The following TAOK3 variants were observed in gnomAD, a reference collection of about 807,000 sequenced individuals.
TAOK3 encodes the protein serine/threonine-protein kinase TAO3.
In TAOK3, 40 loss-of-function variants were observed where a neutral mutation model predicts 120.4. The ratio of observed to expected loss-of-function variants is 0.33; its 90% confidence interval spans 0.26 to 0.43. The LOEUF (loss-of-function observed/expected upper bound fraction) is 0.43. Ranked by LOEUF, TAOK3 falls within the 20% of genes least tolerant of loss-of-function variation. The pLI, the probability that TAOK3 is intolerant of heterozygous loss-of-function variation, is 1.00. For missense variants in TAOK3, 821 were observed against 1,112.1 expected (o/e 0.74, Z 3.72); for synonymous variants, 355 against 387.5 (o/e 0.92, Z 0.99).
At chr12:118,303,413 G>A (rs1008029760) in intron 1 of TAOK3, among the ~76,000 whole-genome samples, 5 of 152,186 alleles carry the variant, frequency 3.3e-5, no homozygotes, top group African/African-American at 9.7e-5. Flanking sequence ...TTGGCAGAAT[G>A]TACGTGTGCA....
Position 118,189,889 on chromosome 12 carries a change from G to C in TAOK3, c.1247C>G (p.Pro416Arg). The stretch of plus-strand genomic sequence containing the variant: ...GCTCTGAACTGACTGGGTAGGCCGC[G>C]GCTCAGGCCTGGGATCGCCGTGGCC... Reference protein sequence around the residue: ...EAGHGDPRPEPRPTQSVQSQA... With the variant: ...EAGHGDPRPERRPTQSVQSQA... Residue 416 changes from proline to arginine, a missense_variant, in exon 14 of 21, where the codon CCG (proline) becomes CGG (arginine). By Grantham distance (103) the Pro-to-Arg change is moderately radical. Coordinates refer to ENST00000392533, the MANE Select transcript of TAOK3 (RefSeq NM_016281.4). 1 of 1,614,206 alleles carries C rather than the reference G, an allele frequency of 6.2e-7. No individual in the cohort carries two copies. Among genetic ancestry groups the C allele is most frequent in the East Asian group, 2.2e-5 (1 of 44,884 alleles).
At chr12:118,369,876 G>C (rs990148833) in intron 1 of TAOK3, among the ~76,000 whole-genome samples, 2 of 151,938 alleles carry the variant, frequency 1.3e-5, no homozygotes, top group East Asian at 3.9e-4. Context: ...TCTAGTTAGC[G>C]GAATTTTTTT....
At chr12:118,364,624 G>C (rs1346015701) in intron 1 of TAOK3, among the ~76,000 whole-genome samples, 2 of 152,178 alleles carry the variant, frequency 1.3e-5, no homozygotes, top group Admixed American at 6.5e-5. Context: ...ATTAAAATAA[G>C]AGGCCAGGCA....
intron 1 of TAOK3, among the ~76,000 whole-genome samples, chr12:118,307,680 G>A (rs1417100199): frequency 6.6e-6 from 1 of 152,156 alleles, no homozygotes; most frequent in African/African-American, 2.4e-5. Context: ...TCTACCACTA[G>A]CTAGCCAGCT....
Position 118,154,908 on chromosome 12 carries a change from G to A in TAOK3, c.2353-2499C>T, listed in dbSNP as rs749164729. On this transcript the variant is annotated intron_variant, in intron 19 of 20. Coordinates refer to ENST00000392533, the MANE Select transcript of TAOK3 (RefSeq NM_016281.4). ...CCTAGCTCTACCACTAATTAGCTATGTGACCTTCCCCCTTATCCCCCCAAG... is the reference window on the plus strand; with the variant it reads ...CCTAGCTCTACCACTAATTAGCTATATGACCTTCCCCCTTATCCCCCCAAG... 4.7e-4 allele frequency among the ~76,000 whole-genome samples: 72 copies of A among 152,196 alleles called. 1 individual carries two copies. In the Middle Eastern group the frequency reaches 0.014, roughly 29 times the overall value.
At chr12:118,294,380 CTTTTCTTTTTT>C (rs770240920) in intron 1 of TAOK3, among the ~76,000 whole-genome samples, 4 of 151,526 alleles carry the variant, frequency 2.6e-5, no homozygotes, top group South Asian at 2.1e-4. Context: ...AATTTCTTTT[CTTTTCTTTTTT>C]TTTTCTTTTT....
At position 118,201,356 on chromosome 12, in the gene TAOK3, T is replaced by C; in HGVS notation, c.927A>G (p.Lys309=). 6.2e-7 allele frequency: 1 copy of C among 1,614,132 alleles called. No homozygotes were observed. Among genetic ancestry groups the C allele is most frequent in the Non-Finnish European group, 8.5e-7 (1 of 1,179,988 alleles). ...TCCGTGTCTCTTGGAAAAGTATTTT[T>C]TTCATTTTTCGGTACTGTAGGTTAT... is the stretch of plus-strand genomic sequence containing the variant. ...ELDNLQYRKM[K]KILFQETRNG... The change falls in exon 12 of 21, where the codon AAA becomes AAG. Residue 309 remains lysine, a synonymous_variant. Coordinates refer to ENST00000392533, the MANE Select transcript of TAOK3 (RefSeq NM_016281.4).
At chr12:118,342,935 TA>T (rs760467619) in intron 1 of TAOK3, among the ~76,000 whole-genome samples, 1,907 of 59,686 alleles carry the variant, frequency 0.032, 27 homozygotes, top group African/African-American at 0.093. Flanking sequence ...CTCTGTCTGC[TA>T]AAAAAAAAAA....
intron 19 of TAOK3, among the ~76,000 whole-genome samples, chr12:118,159,284 C>G (rs1275455543): frequency 6.6e-6 from 1 of 151,306 alleles, no homozygotes; most frequent in East Asian, 1.9e-4. Context: ...TCCCCTAACC[C>G]CCAGTACCTC....
Position 118,150,941 on chromosome 12 carries a change from AT to A in TAOK3, c.*55del. The A allele has an allele frequency of 1.3e-6, 2 of 1,518,954 alleles. No homozygotes were observed. The highest frequency in any genetic ancestry group is 1.8e-6 in the Non-Finnish European group (2 of 1,135,870). 94.1% of individuals were successfully genotyped at this position (1,518,954 alleles called of 1,614,324 possible). A position where few individuals can be genotyped will look rare whatever the true frequency, so the allele number is the denominator to read the frequency against. On this transcript the variant is annotated 3_prime_UTR_variant, in exon 21 of 21. Transcript: ENST00000392533. ...GGGAATGTGGTTTTGCAGGGTCTGA[AT>A]TTTTTTCTGTTTTCTTTTTTTTTTT... is the stretch of plus-strand genomic sequence containing the variant.
intron 5 of TAOK3, 93 bp from the exon 6 acceptor site, chr12:118,239,365 T>A (rs1349353958): frequency 1.4e-6 from 1 of 696,714 alleles, no homozygotes; most frequent in African/African-American, 1.8e-5. Context: ...CTAAGAATAC[T>A]AGGTGAATAA....
At chr12:118,250,812 T>C (rs1359199248) in intron 3 of TAOK3, among the ~76,000 whole-genome samples, 2 of 152,154 alleles carry the variant, frequency 1.3e-5, no homozygotes, top group African/African-American at 4.8e-5. Context: ...TGGATGTGAC[T>C]TAGGGAGGTC....
chr12:118,153,465 A>G (rs1386817610), intron 19 of TAOK3, among the ~76,000 whole-genome samples: 2 of 152,214 alleles, frequency 1.3e-5, no homozygotes, highest in Non-Finnish European at 2.9e-5. Flanking sequence ...TTTAAGAGGC[A>G]TAACTGCTTT....
chr12:118,300,006 G>A (rs973579593), intron 1 of TAOK3, among the ~76,000 whole-genome samples: 1 of 152,098 alleles, frequency 6.6e-6, no homozygotes, highest in Non-Finnish European at 1.5e-5. Context: ...TGTAATTAAA[G>A]CTGAATATGT....
chr12:118,161,520 G>T lies in TAOK3; in HGVS notation c.2139+268C>A, dbSNP rs1174085175. Among the ~76,000 whole-genome samples the T allele has an allele frequency of 1.3e-5, 2 of 152,194 alleles. No individual in the cohort carries two copies. The highest frequency in any genetic ancestry group is 2.4e-5 in the African/African-American group (1 of 41,426). Reference sequence around the variant, plus strand: ...ATTAGTCCAGTTTTGAAGATGGCAGGTCATGAAGTGCTCAGAGAAATTCCA... The same window carrying T: ...ATTAGTCCAGTTTTGAAGATGGCAGTTCATGAAGTGCTCAGAGAAATTCCA... On this transcript the variant is annotated intron_variant, in intron 18 of 20. Coordinates refer to ENST00000392533, the MANE Select transcript of TAOK3 (RefSeq NM_016281.4). The surrounding 1 kb of genome is among the most constrained non-coding windows in gnomAD (Gnocchi z 4.5).
chr12:118,321,882 C>T (rs1236783027), intron 1 of TAOK3, among the ~76,000 whole-genome samples: 2 of 151,678 alleles, frequency 1.3e-5, no homozygotes, highest in Non-Finnish European at 2.9e-5. Context: ...GTAGTGCAGC[C>T]TGGAAAAGAT....
intron 9 of TAOK3, among the ~76,000 whole-genome samples, chr12:118,232,351 T>A (rs2039821006): frequency 6.6e-6 from 1 of 152,216 alleles, no homozygotes; most frequent in Non-Finnish European, 1.5e-5. Flanking sequence ...GTTTATCTTA[T>A]AACACAAAGT....
chr12:118,358,276 C>T (rs2045474853), intron 1 of TAOK3, among the ~76,000 whole-genome samples: 2 of 152,084 alleles, frequency 1.3e-5, no homozygotes, highest in Non-Finnish European at 2.9e-5. Context: ...TATTTTTATA[C>T]TTTCATAAGT....
chr12:118,311,882 G>T (rs1290767990), intron 1 of TAOK3, among the ~76,000 whole-genome samples: 1 of 152,008 alleles, frequency 6.6e-6, no homozygotes, highest in East Asian at 1.9e-4. Flanking sequence ...GCCAAAACAG[G>T]GAATAAAACA....
Sources: allele counts gnomAD v4.1 joint callset (sites outside exome capture counted in the v4.1 genomes callset), GRCh38; gene constraint gnomAD v4.1.1; non-coding constraint Gnocchi (gnomAD v3.1); transcripts MANE v1.5; gene names NCBI Gene and HGNC (gene_info 2026-07-23, HGNC 2026-07-21).